ZNF462: variants seen among roughly 807,000 people sequenced by gnomAD.
The protein encoded by ZNF462 is zinc finger PBX1-interacting protein.
In ZNF462, 10 loss-of-function variants were observed where a neutral mutation model predicts 201.9. The ratio of observed to expected loss-of-function variants is 0.05; its 90% confidence interval spans 0.03 to 0.08. The LOEUF (loss-of-function observed/expected upper bound fraction) is 0.08, where lower values mean the gene tolerates loss of function less well. ZNF462 is among the 10% of genes least tolerant of loss of function. The pLI, the probability that ZNF462 is intolerant of heterozygous loss-of-function variation, is 1.00. For missense variants in ZNF462, 2,523 were observed against 3,168.3 expected, an observed-to-expected ratio of 0.80 and a Z score of 4.89; for synonymous variants, 1,227 against 1,193.3, an observed-to-expected ratio of 1.03 and a Z score of -0.58.
In ZNF462 at chr9:106,970,718, A is replaced by G. The variant is rs1386590273; in HGVS notation, c.6428-1287A>G. ...TAGGCAGCTGTAGGTTATATAGGAC[A>G]ATGTTTTTGAATTTCTAACCTCCAC... On this transcript the variant is annotated intron_variant, in intron 7 of 12. Coordinates refer to ENST00000277225, the MANE Select transcript of ZNF462 (RefSeq NM_021224.6). This position sits in a 1 kb window ranked among gnomAD's most constrained non-coding sequence, Gnocchi z 4.2. 6.6e-6 allele frequency among the ~76,000 whole-genome samples: 1 copy of G among 152,186 alleles called. No homozygotes were observed. Among genetic ancestry groups the G allele is most frequent in the Non-Finnish European group, 1.5e-5 (1 of 68,036 alleles).
chr9:106,888,197 G>A (rs985801282), intron 1 of ZNF462, among the ~76,000 whole-genome samples: 2 of 151,832 alleles, frequency 1.3e-5, no homozygotes, highest in Middle Eastern at 3.2e-3. Context: ...GCCCGCCACC[G>A]CGCCCGGCTA....
In ZNF462 at chr9:107,008,759, C is replaced by CTGGT. The variant is rs1829738015; in HGVS notation, c.7190-786_7190-785insTGGT. The stretch of plus-strand genomic sequence containing the variant: ...CAGACTTCTACCATGTGCCTAGTAC[C>CTGGT]ATGGAGGAAACAAAACAACTAAGTC... On this transcript the variant is annotated intron_variant, in intron 11 of 12. Transcript: ENST00000277225. This position sits in a 1 kb window ranked among gnomAD's most constrained non-coding sequence, Gnocchi z 4.8. Among the ~76,000 whole-genome samples the CTGGT allele has an allele frequency of 6.6e-5, 10 of 152,264 alleles. No homozygotes were observed. The highest frequency in any genetic ancestry group is 6.2e-4 in the South Asian group (3 of 4,820).
chr9:106,877,055 A>G (rs2130889637), intron 1 of ZNF462, among the ~76,000 whole-genome samples: 1 of 152,298 alleles, frequency 6.6e-6, no homozygotes. Flanking sequence ...GACTAATTTT[A>G]GAGTGTTTTA....
chr9:106,972,412 C>A lies in ZNF462; in HGVS notation c.6695+140C>A. ...TGATGATGTAGGGGTTGGGTCCAGG[C>A]TTCATGGAAGGAGGGTAGTTTCAGA... On this transcript the variant is annotated intron_variant, in intron 8 of 12. Coordinates refer to ENST00000277225, the MANE Select transcript of ZNF462 (RefSeq NM_021224.6). The surrounding 1 kb of genome is among the most constrained non-coding windows in gnomAD (Gnocchi z 4.8). 8.1e-7 allele frequency: 1 copy of A among 1,231,048 alleles called. No individual in the cohort carries two copies. The highest frequency in any genetic ancestry group is 1.1e-6 in the Non-Finnish European group (1 of 897,546). 76.3% of individuals were successfully genotyped at this position (1,231,048 alleles called of 1,614,324 possible).
In ZNF462 at chr9:106,966,364, G is replaced by A. The variant is rs890890478; in HGVS notation, c.6428-5641G>A. ...TCTGTTTAGTTTCTCCAAAATGTACGACTTAAGGTGGAGGTGTAGTGAGTT... is the reference window on the plus strand; with the variant it reads ...TCTGTTTAGTTTCTCCAAAATGTACAACTTAAGGTGGAGGTGTAGTGAGTT... On this transcript the variant is annotated intron_variant, in intron 7 of 12. Transcript: ENST00000277225. The surrounding 1 kb of genome is among the most constrained non-coding windows in gnomAD (Gnocchi z 4.4). Among the ~76,000 whole-genome samples, 3 of 151,942 alleles carry A rather than the reference G, an allele frequency of 2.0e-5. No homozygotes were observed. Among genetic ancestry groups the A allele is most frequent in the Non-Finnish European group, 2.9e-5 (2 of 67,958 alleles).
chr9:106,863,099 A>AGAGGGAGG (rs1198594852), upstream of ZNF462: 2 of 389,146 alleles, frequency 5.1e-6, no homozygotes, highest in Non-Finnish European at 9.0e-6. Context: ...AGTGAGAGGG[A>AGAGGGAGG]GAGGGAGGGA....
At position 106,924,158 on chromosome 9, in the gene ZNF462, C is replaced by T. The variant is rs746811128; in HGVS notation, c.246C>T (p.Thr82=). The T allele has an allele frequency of 2.2e-5, 36 of 1,607,364 alleles. No individual in the cohort carries two copies. Among genetic ancestry groups the T allele is most frequent in the East Asian group, 1.1e-4 (5 of 44,870 alleles). Residue 82 remains threonine, a synonymous_variant, in exon 3 of 13, where the codon ACC becomes ACT. Transcript: ENST00000277225. This position sits in a 1 kb window ranked among gnomAD's most constrained non-coding sequence, Gnocchi z 6.2. Reference sequence around the variant, plus strand: ...GTCAAAATGCAACTTCATTGGGGACCGGAGGTTACTATGGCCACAGTCCAG... The same window carrying T: ...GTCAAAATGCAACTTCATTGGGGACTGGAGGTTACTATGGCCACAGTCCAG... ...LSGQNATSLG[T]GGYYGHSPGY...
At chr9:106,900,975 G>C (rs1407202459) in intron 1 of ZNF462, among the ~76,000 whole-genome samples, 1 of 152,112 alleles carries the variant, frequency 6.6e-6, no homozygotes, top group East Asian at 1.9e-4. Flanking sequence ...CCAATGTCTA[G>C]AAGGATTTTT....
intron 1 of ZNF462, among the ~76,000 whole-genome samples, chr9:106,881,900 G>A (rs1828113720): frequency 6.6e-6 from 1 of 152,080 alleles, no homozygotes; most frequent in Admixed American, 6.6e-5. Flanking sequence ...TTCCTTAGAT[G>A]AAGTTCTGGT....
intron 7 of ZNF462, among the ~76,000 whole-genome samples, chr9:106,940,091 T>C (rs2131628511): frequency 6.6e-6 from 1 of 152,268 alleles, no homozygotes; most frequent in African/African-American, 2.4e-5. Flanking sequence ...AAAGCTTGGG[T>C]TTGAATCTCA....
chr9:106,928,680 G>A lies in ZNF462; in HGVS notation c.4768G>A (p.Glu1590Lys). The A allele has an allele frequency of 6.2e-7, 1 of 1,614,124 alleles. No individual in the cohort carries two copies. Among genetic ancestry groups the A allele is most frequent in the Non-Finnish European group, 8.5e-7 (1 of 1,180,036 alleles). ...KLCPYTHGTL[E>K]KLKIHYEKYH... The stretch of plus-strand genomic sequence containing the variant: ...GTGTCCGTACACACACGGCACTTTG[G>A]AGAAACTAAAAATCCACTACGAGAA... The change falls in exon 3 of 13, where the codon GAG becomes AAG. Residue 1590 changes from glutamate to lysine, a missense_variant. By Grantham distance (56) the Glu-to-Lys change is moderately conservative. Around this residue, in one of 15 missense-constraint regions of ZNF462, gnomAD observed 200 missense variants for 281.3 expected, o/e 0.71. Transcript: ENST00000277225. This position sits in a 1 kb window ranked among gnomAD's most constrained non-coding sequence, Gnocchi z 9.3.
chr9:106,928,379 T>C lies in ZNF462; in HGVS notation c.4467T>C (p.Tyr1489=), dbSNP rs1386828347. ...YNNLHGLLTH[Y]GKKHPGMKVK... is the part of the protein sequence containing the mutation. ...ACTTGCACGGCCTTCTCACTCATTA[T>C]GGGAAGAAGCACCCTGGCATGAAAG... The change falls in exon 3 of 13, where the codon TAT becomes TAC. Residue 1489 remains tyrosine (Y), a synonymous_variant. Transcript: ENST00000277225. The surrounding 1 kb of genome is among the most constrained non-coding windows in gnomAD (Gnocchi z 9.3). 1.4e-5 allele frequency: 23 copies of C among 1,614,054 alleles called. No homozygotes were observed. The highest frequency in any genetic ancestry group is 1.9e-5 in the Non-Finnish European group (22 of 1,180,046).
chr9:106,915,136 T>C (rs11789013), intron 1 of ZNF462, among the ~76,000 whole-genome samples: 47,067 of 151,700 alleles, frequency 0.31, 8,017 homozygotes, highest in African/African-American at 0.46. Context: ...TCATACCTAC[T>C]GTCGCTTTTT....
At chr9:106,998,670 T>C (rs1165583480) in intron 10 of ZNF462, among the ~76,000 whole-genome samples, 1 of 152,050 alleles carries the variant, frequency 6.6e-6, no homozygotes, top group Non-Finnish European at 1.5e-5. Context: ...TGCAGTGGCA[T>C]GATCTTGGCT....
chr9:106,922,739 C>A (rs1250368439), intron 1 of ZNF462, among the ~76,000 whole-genome samples: 1 of 151,834 alleles, frequency 6.6e-6, no homozygotes, highest in Non-Finnish European at 1.5e-5. Flanking sequence ...GAAAAAAAAA[C>A]CCACAACTAA....
At chr9:106,946,876 C>T (rs1237622470) in intron 7 of ZNF462, among the ~76,000 whole-genome samples, 1 of 152,074 alleles carries the variant, frequency 6.6e-6, no homozygotes, top group Admixed American at 6.6e-5. Flanking sequence ...TTTTTAGCTA[C>T]AATTATTTTT....
chr9:107,011,229 G>A lies in ZNF462; in HGVS notation c.*199G>A. 1 of 560,852 alleles carries A rather than the reference G, an allele frequency of 1.8e-6. No individual in the cohort carries two copies. Among genetic ancestry groups the A allele is most frequent in the Non-Finnish European group, 3.2e-6 (1 of 315,150 alleles). The allele number at this position is 560,852 out of a possible 1,614,324, so 34.7% of individuals were successfully genotyped here. On this transcript the variant is annotated 3_prime_UTR_variant, in exon 13 of 13. Coordinates refer to ENST00000277225, the MANE Select transcript of ZNF462 (RefSeq NM_021224.6). The surrounding 1 kb of genome is among the most constrained non-coding windows in gnomAD (Gnocchi z 5.6). Reference sequence around the variant, plus strand: ...AAAGTTATTTAAATGGTTGGAATATGTGGCTCCTTTTCCATCACTACATCT... The same window carrying A: ...AAAGTTATTTAAATGGTTGGAATATATGGCTCCTTTTCCATCACTACATCT...
rs1828780180 is a variant in ZNF462, at chr9:106,895,652, T to A, written c.-30-27702T>A. Among the ~76,000 whole-genome samples, 1 of 152,240 alleles carries A rather than the reference T, an allele frequency of 6.6e-6. No individual in the cohort carries two copies. The highest frequency in any genetic ancestry group is 6.5e-5 in the Admixed American group (1 of 15,284). Reference sequence around the variant, plus strand: ...CTTACGTTATTTAATCCCTATGAAATGGATATTTTTTAGTCCCATTATACA... The same window carrying A: ...CTTACGTTATTTAATCCCTATGAAAAGGATATTTTTTAGTCCCATTATACA... On this transcript the variant is annotated intron_variant, in intron 1 of 12. Transcript: ENST00000277225. The surrounding 1 kb of genome is among the most constrained non-coding windows in gnomAD (Gnocchi z 4.4).
chr9:106,863,068 GGAGAGAGAGGGGA>G (rs1299039852), upstream of ZNF462: 5 of 393,424 alleles, frequency 1.3e-5, no homozygotes, highest in South Asian at 1.3e-4. Context: ...AGAGAGAAGA[GGAGAGAGAGGGGA>G]GAGAGAGAGT....
Sources: allele counts gnomAD v4.1 joint callset (sites outside exome capture counted in the v4.1 genomes callset), GRCh38; gene constraint gnomAD v4.1.1; regional missense constraint gnomAD v4.1.1; non-coding constraint Gnocchi (gnomAD v3.1); transcripts MANE v1.5; gene names NCBI Gene and HGNC (gene_info 2026-07-23, HGNC 2026-07-21).